The following CACNA2D3 variants were observed in gnomAD, a reference collection of about 807,000 sequenced individuals.
CACNA2D3 encodes the protein voltage-dependent calcium channel subunit alpha-2/delta-3.
A neutral mutation model predicts 160.6 loss-of-function variants in CACNA2D3; 60 were observed. That is an observed-to-expected ratio of 0.37 (90% CI 0.30 to 0.46). CACNA2D3 has a LOEUF of 0.46. CACNA2D3 is among the 20% of genes least tolerant of loss of function. The probability of loss-of-function intolerance (pLI) is 1.00; values close to 1 mark genes in which losing one functional copy is unlikely to be tolerated. For synonymous variants in CACNA2D3, 558 were observed against 492.9 expected (o/e 1.13, Z -1.75); for missense variants, 1,205 against 1,365.0 (o/e 0.88, Z 1.85).
At chr3:54,578,658 T>C (rs1702627166) in intron 8 of CACNA2D3, among the ~76,000 whole-genome samples, 1 of 152,216 alleles carries the variant, frequency 6.6e-6, no homozygotes, top group African/African-American at 2.4e-5. Context: ...CAAGGGAAAT[T>C]AGTCAACTGC....
At position 54,283,560 on chromosome 3, in the gene CACNA2D3, A is replaced by T. The variant is rs559155120; in HGVS notation, c.205-36882A>T. Among the ~76,000 whole-genome samples, 9 of 152,246 alleles carry T rather than the reference A, an allele frequency of 5.9e-5. No homozygotes were observed. In the East Asian group the frequency reaches 1.7e-3, roughly 29 times the overall value. ...GAGGAAGAAATTGCTTTAGAGGCTTACTCTGTGTTTCTGGCTTTCATTGTA... is the reference window on the plus strand; with the variant it reads ...GAGGAAGAAATTGCTTTAGAGGCTTTCTCTGTGTTTCTGGCTTTCATTGTA... On this transcript the variant is annotated intron_variant, in intron 2 of 37. Transcript: ENST00000474759.
Position 54,273,844 on chromosome 3 carries a change from G to A in CACNA2D3, c.205-46598G>A, listed in dbSNP as rs569988914. On this transcript the variant is annotated intron_variant, in intron 2 of 37. Coordinates refer to ENST00000474759, the MANE Select transcript of CACNA2D3 (RefSeq NM_018398.3). ...GGGTGAGCTTTGTTTTAAGGTTTGT[G>A]AAAGTTGTGTCTGTGCTAGATGGCC... Among the ~76,000 whole-genome samples the A allele has an allele frequency of 4.6e-5, 7 of 152,288 alleles. No individual in the cohort carries two copies. In the South Asian group the frequency reaches 1.5e-3, roughly 32 times the overall value.
intron 9 of CACNA2D3, among the ~76,000 whole-genome samples, chr3:54,604,674 C>A (rs1244140369): frequency 1.3e-5 from 2 of 152,154 alleles, no homozygotes; most frequent in African/African-American, 4.8e-5. Context: ...ACTGCTCTCA[C>A]CCTGGGCTGA....
At chr3:54,963,846 T>G (rs1036151007) in intron 27 of CACNA2D3, among the ~76,000 whole-genome samples, 6 of 152,012 alleles carry the variant, frequency 3.9e-5, no homozygotes, top group Admixed American at 3.9e-4. Flanking sequence ...GAGAAAGGAA[T>G]GGAGGAAGGG....
chr3:55,029,147 G>A (rs775690984), intron 35 of CACNA2D3, among the ~76,000 whole-genome samples: 2 of 152,114 alleles, frequency 1.3e-5, no homozygotes, highest in Admixed American at 6.6e-5. Context: ...TGAGGCTTCT[G>A]GAAATGACCT....
chr3:54,745,024 A>G (rs1441214532), intron 11 of CACNA2D3, among the ~76,000 whole-genome samples: 1 of 152,246 alleles, frequency 6.6e-6, no homozygotes, highest in Admixed American at 6.5e-5. Context: ...TGTTTTAGTC[A>G]GGTATAATAA....
At chr3:54,618,144 C>T (rs912511573) in intron 9 of CACNA2D3, among the ~76,000 whole-genome samples, 2 of 151,648 alleles carry the variant, frequency 1.3e-5, no homozygotes, top group Non-Finnish European at 2.9e-5. Flanking sequence ...ATTAAGTCCT[C>T]ACAGTCACTC....
intron 14 of CACNA2D3, among the ~76,000 whole-genome samples, chr3:54,833,056 T>A (rs1703912821): frequency 6.6e-6 from 1 of 152,158 alleles, no homozygotes; most frequent in Admixed American, 6.5e-5. Context: ...CAAATGCATA[T>A]TCATATGAGC....
chr3:54,894,470 G>A (rs1489279999), intron 25 of CACNA2D3: 11 of 441,156 alleles, frequency 2.5e-5, no homozygotes, highest in Admixed American at 7.1e-5. Flanking sequence ...GAATGTCACT[G>A]CCTTAAGTGA....
intron 11 of CACNA2D3, among the ~76,000 whole-genome samples, chr3:54,662,873 C>A (rs1165895224): frequency 6.6e-6 from 1 of 152,254 alleles, no homozygotes; most frequent in East Asian, 1.9e-4. Context: ...GTTTGATGAC[C>A]AACTTAGGCT....
intron 2 of CACNA2D3, among the ~76,000 whole-genome samples, chr3:54,230,909 A>C (rs539103565): frequency 6.6e-6 from 1 of 152,340 alleles, no homozygotes; most frequent in East Asian, 1.9e-4. Flanking sequence ...AAAAATTTCC[A>C]AGCTTCTTTT....
At chr3:54,406,727 C>T (rs1249096001) in intron 4 of CACNA2D3, among the ~76,000 whole-genome samples, 1 of 151,768 alleles carries the variant, frequency 6.6e-6, no homozygotes, top group Non-Finnish European at 1.5e-5. Flanking sequence ...GTAGGAAGTA[C>T]AAGTTGATCT....
At chr3:54,300,520 G>A (rs1030320848) in intron 2 of CACNA2D3, among the ~76,000 whole-genome samples, 1 of 152,192 alleles carries the variant, frequency 6.6e-6, no homozygotes, top group African/African-American at 2.4e-5. Flanking sequence ...GTAAGCCCGT[G>A]ACTTAATTCT....
intron 18 of CACNA2D3, chr3:54,875,451 C>G (rs1020810393): frequency 6.6e-6 from 1 of 152,234 alleles, no homozygotes; most frequent in Admixed American, 6.5e-5. Flanking sequence ...TGCAGGCTGC[C>G]TGTGCACCAG....
rs537847421 is a variant in CACNA2D3, at chr3:54,605,776, G to A, written c.964-22011G>A. On this transcript the variant is annotated intron_variant, in intron 9 of 37. Transcript: ENST00000474759. The stretch of plus-strand genomic sequence containing the variant: ...GACATTACTGTGAATCCTAGTGCAC[G>A]TCAGAATTAGATAAGTGAGTTTGTA... Among the ~76,000 whole-genome samples, 28 of 152,252 alleles carry A rather than the reference G, an allele frequency of 1.8e-4. No homozygotes were observed. In the South Asian group the frequency reaches 4.1e-3, roughly 23 times the overall value.
intron 5 of CACNA2D3, among the ~76,000 whole-genome samples, chr3:54,509,656 G>T (rs550650315): frequency 5.3e-5 from 8 of 152,106 alleles, no homozygotes; most frequent in Non-Finnish European, 7.3e-5. Flanking sequence ...ATGTAGTTTG[G>T]ATTCCAGGAA....
chr3:54,332,407 A>T (rs1704286266), intron 3 of CACNA2D3, among the ~76,000 whole-genome samples: 1 of 150,872 alleles, frequency 6.6e-6, no homozygotes, highest in African/African-American at 2.4e-5. Flanking sequence ...ACCTTGAAAC[A>T]TAGCACCCAG....
At chr3:54,288,803 C>G (rs553526259) in intron 2 of CACNA2D3, among the ~76,000 whole-genome samples, 79 of 152,192 alleles carry the variant, frequency 5.2e-4, no homozygotes, top group African/African-American at 1.8e-3. Flanking sequence ...AGCATATAAA[C>G]AGAACCAAAG....
chr3:54,451,523 T>C (rs781710146), intron 4 of CACNA2D3, among the ~76,000 whole-genome samples: 4 of 152,166 alleles, frequency 2.6e-5, no homozygotes, highest in Non-Finnish European at 4.4e-5. Flanking sequence ...CCCATCTCTA[T>C]TCCGGGCTTC....
Sources: allele counts gnomAD v4.1 joint callset (sites outside exome capture counted in the v4.1 genomes callset), GRCh38; gene constraint gnomAD v4.1.1; transcripts MANE v1.5; gene names NCBI Gene and HGNC (gene_info 2026-07-23, HGNC 2026-07-21).